TCF12: variants seen among roughly 807,000 people sequenced by gnomAD.
TCF12 encodes the protein DNA-binding protein HTF4.
TCF12 carries 45 observed loss-of-function variants against 86.0 expected under a neutral mutation model. The observed-to-expected ratio is 0.52, with a 90% CI of 0.41 to 0.67. TCF12 has a LOEUF of 0.67. TCF12 is among the 30% of genes least tolerant of loss of function. The pLI is 0.00. For missense variants in TCF12, 881 were observed against 859.9 expected, an observed-to-expected ratio of 1.02 and a Z score of -0.31; for synonymous variants, 330 against 299.6, an observed-to-expected ratio of 1.10 and a Z score of -1.05.
chr15:57,108,567 G>C (rs1203891799), intron 5 of TCF12, among the ~76,000 whole-genome samples: 3 of 152,060 alleles, frequency 2.0e-5, no homozygotes, highest in Admixed American at 6.6e-5. Flanking sequence ...GGTAGAGTTT[G>C]AGAATGTGGG....
intron 8 of TCF12, chr15:57,214,189 G>A (rs1419122913): frequency 2.0e-5 from 3 of 152,196 alleles, no homozygotes; most frequent in South Asian, 2.1e-4. Context: ...CTGCTTTGTC[G>A]TTGTGAGTTT....
chr15:57,073,063 T>G (rs2069555485), intron 4 of TCF12, among the ~76,000 whole-genome samples: 1 of 152,196 alleles, frequency 6.6e-6, no homozygotes. Context: ...AGCTTCTGTT[T>G]TTTTCAGACT....
At chr15:57,060,642 G>A (rs1036656661) in intron 3 of TCF12, among the ~76,000 whole-genome samples, 4 of 152,120 alleles carry the variant, frequency 2.6e-5, no homozygotes, top group African/African-American at 9.7e-5. Flanking sequence ...ACTAGAAATG[G>A]GAATGATGAA....
At chr15:57,061,660 T>C (rs1398726367) in intron 3 of TCF12, among the ~76,000 whole-genome samples, 1 of 152,304 alleles carries the variant, frequency 6.6e-6, no homozygotes, top group Middle Eastern at 3.4e-3. Flanking sequence ...TCATTTGATA[T>C]AAGAAAATAT....
intron 18 of TCF12, 58 bp downstream of exon 18, chr15:57,263,332 G>C: frequency 2.6e-6 from 4 of 1,531,220 alleles, no homozygotes; most frequent in South Asian, 2.4e-5. Flanking sequence ...AAACATACTT[G>C]AGAAGCTGGG....
intron 5 of TCF12, among the ~76,000 whole-genome samples, chr15:57,153,277 A>G (rs764478562): frequency 1.1e-4 from 17 of 152,200 alleles, no homozygotes; most frequent in Non-Finnish European, 2.4e-4. Context: ...CAGATATTAC[A>G]TATTTTAGGC....
chr15:56,995,231 C>CTTTTT lies in TCF12; in HGVS notation c.149-68495_149-68491dup, dbSNP rs557610511. On this transcript the variant is annotated intron_variant, in intron 3 of 20. Coordinates refer to ENST00000333725, the MANE Select transcript of TCF12 (RefSeq NM_207037.2). Reference sequence around the variant, plus strand: ...AAGTCAGGTAATGTGATACCTGCAGCTTTTTTTTTTTTTTTTTTTTTTTTT... The same window carrying CTTTTT: ...AAGTCAGGTAATGTGATACCTGCAGCTTTTTTTTTTTTTTTTTTTTTTTTTTTTTT... Among the ~76,000 whole-genome samples the CTTTTT allele has an allele frequency of 3.1e-3, 93 of 30,300 alleles. 23 individuals carry two copies. Among genetic ancestry groups the CTTTTT allele is most frequent in the African/African-American group, 6.7e-3 (54 of 8,110 alleles). The allele number at this position is 30,300 out of a possible 152,430, so 19.9% of individuals were successfully genotyped here. A position where few individuals can be genotyped will look rare whatever the true frequency, so the allele number is the denominator to read the frequency against.
intron 3 of TCF12, among the ~76,000 whole-genome samples, chr15:56,940,758 T>C (rs1433809164): frequency 8.7e-5 from 11 of 127,120 alleles, no homozygotes; most frequent in Non-Finnish European, 1.8e-4. Flanking sequence ...CTTCTCCTTC[T>C]CCTTCTCCTT....
At chr15:56,946,737 A>G (rs2061014089) in intron 3 of TCF12, among the ~76,000 whole-genome samples, 1 of 148,696 alleles carries the variant, frequency 6.7e-6, no homozygotes, top group African/African-American at 2.4e-5. Context: ...TTAAGTTATT[A>G]GGGATCAACT....
intron 5 of TCF12, among the ~76,000 whole-genome samples, chr15:57,154,523 ACT>A (rs1297654501): frequency 1.3e-5 from 2 of 151,752 alleles, no homozygotes; most frequent in African/African-American, 2.4e-5. Context: ...AAAATCTAAA[ACT>A]CTGTTGAAAT....
chr15:57,256,722 G>C (rs1597686875), intron 16 of TCF12, among the ~76,000 whole-genome samples: 1 of 152,050 alleles, frequency 6.6e-6, no homozygotes, highest in East Asian at 1.9e-4. Context: ...CAGCAATTTG[G>C]TACCACCATA....
rs373079721 is a variant in TCF12 at position 56,942,559 on chromosome 15, C to G, written c.148+21461C>G. On this transcript the variant is annotated intron_variant, in intron 3 of 20. Transcript: ENST00000333725. Reference sequence around the variant, plus strand: ...AGAGGGTATTATAAACAATATATTTCAATGTAAAGATAGTTCTTGGGAAAC... The same window carrying G: ...AGAGGGTATTATAAACAATATATTTGAATGTAAAGATAGTTCTTGGGAAAC... Among the ~76,000 whole-genome samples, 27 of 152,214 alleles carry G rather than the reference C, an allele frequency of 1.8e-4. No individual in the cohort carries two copies. In the South Asian group the frequency reaches 5.4e-3, roughly 30 times the overall value.
intron 3 of TCF12, among the ~76,000 whole-genome samples, chr15:56,927,058 T>C (rs1251860275): frequency 6.6e-6 from 1 of 151,956 alleles, no homozygotes; most frequent in Non-Finnish European, 1.5e-5. Context: ...AAGTAAAGGA[T>C]TGTTAGAATT....
intron 5 of TCF12, among the ~76,000 whole-genome samples, chr15:57,148,075 G>A (rs867246857): frequency 7.9e-5 from 12 of 151,628 alleles, no homozygotes; most frequent in African/African-American, 2.9e-4. Flanking sequence ...GTAGAGACAC[G>A]ATCGCACTAT....
intron 3 of TCF12, among the ~76,000 whole-genome samples, chr15:57,010,354 C>T (rs1268563344): frequency 6.6e-6 from 1 of 151,958 alleles, no homozygotes; most frequent in Non-Finnish European, 1.5e-5. Flanking sequence ...TCAAGAGCAG[C>T]CCCCATCTCT....
Position 57,282,592 on chromosome 15 carries a change from C to G in TCF12, c.*5C>G. The G allele has an allele frequency of 6.2e-7, 1 of 1,612,006 alleles. No homozygotes were observed. The highest frequency in any genetic ancestry group is 1.1e-5 in the South Asian group (1 of 90,342). ...AACCCTATGGGTCATATGTAAACAT[C>G]AGCCAGGTAAGTACGGGTTTGAAAA... On this transcript the variant is annotated 3_prime_UTR_variant, in exon 20 of 21. Coordinates refer to ENST00000333725, the MANE Select transcript of TCF12 (RefSeq NM_207037.2).
chr15:57,247,562 C>T (rs1204667438), intron 13 of TCF12: 19 of 901,098 alleles, frequency 2.1e-5, no homozygotes, highest in Non-Finnish European at 3.1e-5. Flanking sequence ...CTTTTTTCCA[C>T]TCTGCCTGTC....
At chr15:57,029,985 A>G (rs749857892) in intron 3 of TCF12, among the ~76,000 whole-genome samples, 5 of 152,100 alleles carry the variant, frequency 3.3e-5, no homozygotes, top group Non-Finnish European at 7.4e-5. Flanking sequence ...GTTAAAGGAC[A>G]TTTGTGTTTT....
chr15:57,146,116 C>G (rs1322035425), intron 5 of TCF12, among the ~76,000 whole-genome samples: 1 of 151,680 alleles, frequency 6.6e-6, no homozygotes, highest in Non-Finnish European at 1.5e-5. Context: ...TTACATATAC[C>G]CTTTAAGATT....
Sources: allele counts gnomAD v4.1 joint callset (sites outside exome capture counted in the v4.1 genomes callset), GRCh38; gene constraint gnomAD v4.1.1; transcripts MANE v1.5; gene names NCBI Gene and HGNC (gene_info 2026-07-23, HGNC 2026-07-21).